Variants in VAV3 observed in about 807,000 individuals in gnomAD.
The protein encoded by VAV3 is guanine nucleotide exchange factor VAV3.
Under a neutral mutation model 131.2 loss-of-function variants are expected in VAV3, and 94 were observed. That is an observed-to-expected ratio of 0.72 (90% CI 0.61 to 0.85). The LOEUF (loss-of-function observed/expected upper bound fraction) is 0.85, where lower values mean the gene tolerates loss of function less well. VAV3 is among the 40% of genes least tolerant of loss of function. The probability of loss-of-function intolerance (pLI) is 0.00; values close to 1 mark genes in which losing one functional copy is unlikely to be tolerated. For synonymous variants in VAV3, 349 were observed against 342.0 expected (o/e 1.02, Z -0.22); for missense variants, 939 against 1,002.7 (o/e 0.94, Z 0.86).
chr1:107,834,053 C>G (rs1668371472), intron 2 of VAV3, among the ~76,000 whole-genome samples: 1 of 152,152 alleles, frequency 6.6e-6, no homozygotes, highest in South Asian at 2.1e-4. Context: ...TATTTAGAAA[C>G]TATAGAGAAC....
At chr1:107,650,764 T>C (rs1444878347) in intron 19 of VAV3, among the ~76,000 whole-genome samples, 1 of 133,204 alleles carries the variant, frequency 7.5e-6, no homozygotes, top group African/African-American at 2.9e-5. Flanking sequence ...CCTGTGTCCA[T>C]GTGTTCTCAT....
At chr1:107,719,113 A>T (rs1177634842) in intron 15 of VAV3, among the ~76,000 whole-genome samples, 3 of 152,206 alleles carry the variant, frequency 2.0e-5, no homozygotes, top group Non-Finnish European at 4.4e-5. Context: ...CCTAGAAGAA[A>T]ACCTAGGCAA....
chr1:107,639,139 T>TA (rs1032571195), intron 20 of VAV3, among the ~76,000 whole-genome samples: 16 of 151,574 alleles, frequency 1.1e-4, no homozygotes, highest in Admixed American at 2.6e-4. Context: ...TATCCACATG[T>TA]AAAAAAACCT....
intron 21 of VAV3, 91 bp from the exon 22 acceptor site, chr1:107,610,056 A>G: frequency 1.6e-6 from 2 of 1,228,876 alleles, no homozygotes; most frequent in Middle Eastern, 2.3e-4. Context: ...ACTCAGCTCT[A>G]TAAAACCCTA....
intron 15 of VAV3, among the ~76,000 whole-genome samples, chr1:107,748,405 A>G (rs535770497): frequency 6.6e-6 from 1 of 152,084 alleles, no homozygotes; most frequent in South Asian, 2.1e-4. Flanking sequence ...TTTATTTTCT[A>G]CCTCTTTGTT....
rs1649347434 is a variant in VAV3, at chr1:107,572,755, A to T, written c.*576T>A. On this transcript the variant is annotated 3_prime_UTR_variant, in exon 27 of 27. Transcript: ENST00000370056. ...AACCTGAGCACTGGCCTCATATTTT[A>T]TAATATCATGAGTAACATCTGAGGG... 6.5e-6 allele frequency: 1 copy of T among 152,740 alleles called. No individual in the cohort carries two copies. Among genetic ancestry groups the T allele is most frequent in the Non-Finnish European group, 1.5e-5 (1 of 68,120 alleles). The allele number at this position is 152,740 out of a possible 1,614,324, so 9.5% of individuals were successfully genotyped here.
rs932725475 is a variant in VAV3, at chr1:107,617,709, C to T, written c.1915-77G>A. On this transcript the variant is annotated intron_variant, in intron 20 of 26. Transcript: ENST00000370056. Reference sequence around the variant, plus strand: ...TAACCCCATGATGCCCCATACATAGCACTGTTACTTAGGATCCTTAGAATT... The same window carrying T: ...TAACCCCATGATGCCCCATACATAGTACTGTTACTTAGGATCCTTAGAATT... 4 of 1,279,244 alleles carry T rather than the reference C, an allele frequency of 3.1e-6. No homozygotes were observed. The Admixed American group carries it at 5.4e-5, about 17-fold the overall frequency. The allele number at this position is 1,279,244 out of a possible 1,614,324, so 79.2% of individuals were successfully genotyped here.
At chr1:107,793,845 C>T (rs905629941) in intron 2 of VAV3, among the ~76,000 whole-genome samples, 1 of 152,152 alleles carries the variant, frequency 6.6e-6, no homozygotes, top group South Asian at 2.1e-4. Flanking sequence ...ATAGCCTAAG[C>T]TCTGAATTGA....
At chr1:107,809,834 A>T (rs1241345587) in intron 2 of VAV3, among the ~76,000 whole-genome samples, 2 of 152,218 alleles carry the variant, frequency 1.3e-5, no homozygotes, top group Admixed American at 1.3e-4. Context: ...CAGAATTTAC[A>T]AAACAACTTT....
At chr1:107,823,446 T>C (rs1667884278) in intron 2 of VAV3, among the ~76,000 whole-genome samples, 1 of 151,464 alleles carries the variant, frequency 6.6e-6, no homozygotes, top group Admixed American at 6.6e-5. Context: ...TGTAGAGAAA[T>C]GATAAGTGAA....
At position 107,683,565 on chromosome 1, in the gene VAV3, A is replaced by G. The variant is rs769194192; in HGVS notation, c.1732-32T>C. On this transcript the variant is annotated intron_variant, in intron 18 of 26. Transcript: ENST00000370056. ...AGTAAAGTAAAACAAAGCAAAACAA[A>G]TATGTGTTGGTAATTTTGCACTATT... 5 of 1,611,470 alleles carry G rather than the reference A, an allele frequency of 3.1e-6. No homozygotes were observed. The South Asian group carries it at 5.5e-5, about 18-fold the overall frequency.
At chr1:107,682,832 C>A (rs1332284011) in intron 19 of VAV3, among the ~76,000 whole-genome samples, 1 of 152,136 alleles carries the variant, frequency 6.6e-6, no homozygotes, top group Non-Finnish European at 1.5e-5. Context: ...ATACCTTTTA[C>A]TCACAACAAA....
intron 1 of VAV3, among the ~76,000 whole-genome samples, chr1:107,886,389 T>A (rs1671038120): frequency 1.3e-5 from 2 of 152,216 alleles, no homozygotes; most frequent in South Asian, 4.1e-4. Flanking sequence ...TTCCCCTCCA[T>A]GCTACGCAGC....
chr1:107,794,774 T>G (rs927275216), intron 2 of VAV3, among the ~76,000 whole-genome samples: 9 of 152,190 alleles, frequency 5.9e-5, no homozygotes, highest in Admixed American at 1.3e-4. Flanking sequence ...TGTATGTGGT[T>G]AATCCAGGAT....
chr1:107,586,455 G>A (rs928729349), intron 25 of VAV3, among the ~76,000 whole-genome samples: 1 of 152,140 alleles, frequency 6.6e-6, no homozygotes, highest in African/African-American at 2.4e-5. Flanking sequence ...ACTGAAATAT[G>A]TAGAACTGTA....
At chr1:107,937,228 AC>A (rs1427761774) in intron 1 of VAV3, among the ~76,000 whole-genome samples, 3 of 152,342 alleles carry the variant, frequency 2.0e-5, no homozygotes, top group Non-Finnish European at 4.4e-5. Context: ...AATTCAAAAC[AC>A]CACCATGACT....
chr1:107,678,722 A>T (rs961851439), intron 19 of VAV3, among the ~76,000 whole-genome samples: 1 of 152,008 alleles, frequency 6.6e-6, no homozygotes, highest in Non-Finnish European at 1.5e-5. Flanking sequence ...CAGTATAAAA[A>T]TTTTTATTTA....
intron 1 of VAV3, among the ~76,000 whole-genome samples, chr1:107,954,963 T>C (rs981135203): frequency 2.0e-5 from 3 of 152,210 alleles, no homozygotes; most frequent in African/African-American, 4.8e-5. Context: ...TAACAGTGCC[T>C]GCCTCACGGT....
chr1:107,881,003 C>A lies in VAV3; in HGVS notation c.205-5986G>T, dbSNP rs1571085175. On this transcript the variant is annotated intron_variant, in intron 1 of 26. Transcript: ENST00000370056. ...CACATACTGAGGCTTAGAGATTTAC[C>A]AACATTTACATAACTGCTTTTGCCA... is the stretch of plus-strand genomic sequence containing the variant. Among the ~76,000 whole-genome samples, 4 of 152,102 alleles carry A rather than the reference C, an allele frequency of 2.6e-5. 1 individual carries two copies. In the South Asian group the frequency reaches 8.3e-4, roughly 32 times the overall value.
Sources: allele counts gnomAD v4.1 joint callset (sites outside exome capture counted in the v4.1 genomes callset), GRCh38; gene constraint gnomAD v4.1.1; transcripts MANE v1.5; gene names NCBI Gene and HGNC (gene_info 2026-07-23, HGNC 2026-07-21).